CNTNAP5: variants seen among roughly 807,000 people sequenced by gnomAD.
The protein encoded by CNTNAP5 is contactin-associated protein-like 5.
Under a neutral mutation model 150.2 loss-of-function variants are expected in CNTNAP5, and 72 were observed. The observed-to-expected ratio is 0.48, with a 90% CI of 0.40 to 0.58. The LOEUF is 0.58. Among genes scored for constraint, CNTNAP5 ranks in the 20% least tolerant of loss-of-function variants. CNTNAP5 has a pLI of 0.00. For missense variants in CNTNAP5, 1,636 were observed against 1,626.2 expected (o/e 1.01, Z -0.10); for synonymous variants, 672 against 619.8 (o/e 1.08, Z -1.25).
chr2:124,073,156 A>C (rs998575157), intron 1 of CNTNAP5, among the ~76,000 whole-genome samples: 6 of 152,098 alleles, frequency 3.9e-5, no homozygotes, highest in Admixed American at 3.3e-4. Flanking sequence ...GGACATCCAC[A>C]TGCAGAAAAG....
chr2:124,810,204 A>T (rs1682177584), intron 19 of CNTNAP5, among the ~76,000 whole-genome samples: 1 of 152,168 alleles, frequency 6.6e-6, no homozygotes, highest in Non-Finnish European at 1.5e-5. Flanking sequence ...CGCAACACAC[A>T]TTTATCACCT....
At chr2:124,217,489 T>C (rs949794333) in intron 1 of CNTNAP5, among the ~76,000 whole-genome samples, 12 of 152,168 alleles carry the variant, frequency 7.9e-5, no homozygotes, top group Admixed American at 2.0e-4. Flanking sequence ...AGCCATGTGC[T>C]TGGGGTAGTA....
intron 12 of CNTNAP5, among the ~76,000 whole-genome samples, chr2:124,620,745 GCA>G (rs3039903): frequency 0.091 from 9,363 of 103,444 alleles, 797 homozygotes; most frequent in African/African-American, 0.23. Context: ...ACACACACAT[GCA>G]CACACACACA....
intron 1 of CNTNAP5, among the ~76,000 whole-genome samples, chr2:124,188,446 G>A (rs111281171): frequency 0.074 from 11,300 of 152,166 alleles, 591 homozygotes; most frequent in Non-Finnish European, 0.11. Context: ...GGGGCCGGGC[G>A]CAGTGGCTCA....
intron 1 of CNTNAP5, among the ~76,000 whole-genome samples, chr2:124,155,461 C>CGT (rs1356271271): frequency 1.3e-5 from 2 of 151,532 alleles, no homozygotes; most frequent in Middle Eastern, 3.2e-3. Flanking sequence ...TGTGTGCGCG[C>CGT]GTGTGTGGTG....
chr2:124,444,009 G>T (rs560719414), intron 5 of CNTNAP5, among the ~76,000 whole-genome samples: 78 of 152,094 alleles, frequency 5.1e-4, no homozygotes, highest in Non-Finnish European at 1.0e-3. Context: ...GTTACATCTA[G>T]AAATGACAGT....
intron 8 of CNTNAP5, among the ~76,000 whole-genome samples, chr2:124,515,964 G>A (rs1468428532): frequency 6.6e-6 from 1 of 152,122 alleles, no homozygotes; most frequent in Non-Finnish European, 1.5e-5. Context: ...TGCTCTTTAG[G>A]TAGTTGGATC....
At chr2:124,810,616 CA>C (rs1464601130) in intron 19 of CNTNAP5, among the ~76,000 whole-genome samples, 1 of 152,106 alleles carries the variant, frequency 6.6e-6, no homozygotes, top group African/African-American at 2.4e-5. Context: ...TTGCCTGTCA[CA>C]ACGTGGTTCA....
intron 10 of CNTNAP5, among the ~76,000 whole-genome samples, chr2:124,547,793 G>A (rs1335952094): frequency 2.0e-5 from 3 of 152,132 alleles, no homozygotes; most frequent in Non-Finnish European, 2.9e-5. Context: ...TTCCTGCCAC[G>A]GGAGGAAGTG....
intron 4 of CNTNAP5, among the ~76,000 whole-genome samples, chr2:124,424,544 T>C (rs1692194473): frequency 6.6e-6 from 1 of 152,224 alleles, no homozygotes; most frequent in African/African-American, 2.4e-5. Context: ...TTTCTCATAG[T>C]TCCTATAGGA....
intron 12 of CNTNAP5, among the ~76,000 whole-genome samples, chr2:124,647,155 A>ATCTCTATGC (rs11280730): frequency 0.51 from 76,620 of 151,670 alleles, 20,569 homozygotes; most frequent in Non-Finnish European, 0.62. Flanking sequence ...AAAGGTCCTC[A>ATCTCTATGC]TCTTTCATTG....
chr2:124,731,715 T>A (rs1318484460), intron 13 of CNTNAP5, among the ~76,000 whole-genome samples: 3 of 151,856 alleles, frequency 2.0e-5, no homozygotes, highest in Non-Finnish European at 4.4e-5. Context: ...TGTGTAAGAA[T>A]GTGTGTATGG....
intron 1 of CNTNAP5, among the ~76,000 whole-genome samples, chr2:124,127,845 C>G (rs1295578534): frequency 6.6e-6 from 1 of 152,152 alleles, no homozygotes; most frequent in Admixed American, 6.5e-5. Context: ...GCTGGGAAAA[C>G]TGGCTAGCCA....
rs1424244869 is a variant in CNTNAP5 at position 124,046,026 on chromosome 2, G to A, written c.82+20294G>A. ...CAAAACGCATCCATGACCCAGAAAA[G>A]ATGAAGAAAGAAAGGCTCTGAGATC... is the stretch of plus-strand genomic sequence containing the variant. On this transcript the variant is annotated intron_variant, in intron 1 of 23. Transcript: ENST00000682447. Among the ~76,000 whole-genome samples, 4 of 152,320 alleles carry A rather than the reference G, an allele frequency of 2.6e-5. No homozygotes were observed. In the East Asian group the frequency reaches 5.8e-4, roughly 22 times the overall value.
intron 19 of CNTNAP5, among the ~76,000 whole-genome samples, chr2:124,826,247 C>T (rs774170201): frequency 6.6e-6 from 1 of 152,118 alleles, no homozygotes; most frequent in Non-Finnish European, 1.5e-5. Context: ...ATTTGTCTTG[C>T]TGTTTTAATT....
intron 1 of CNTNAP5, among the ~76,000 whole-genome samples, chr2:124,172,298 C>T (rs940813064): frequency 2.0e-5 from 3 of 152,044 alleles, no homozygotes; most frequent in South Asian, 4.1e-4. Flanking sequence ...AAAAGTGAGA[C>T]GTGCTCAGTT....
At chr2:124,132,103 A>G (rs1419162213) in intron 1 of CNTNAP5, among the ~76,000 whole-genome samples, 1 of 152,184 alleles carries the variant, frequency 6.6e-6, no homozygotes, top group Non-Finnish European at 1.5e-5. Flanking sequence ...TTTGGCAGGA[A>G]GAAAGGAGAT....
intron 3 of CNTNAP5, among the ~76,000 whole-genome samples, chr2:124,275,017 A>T (rs1009531199): frequency 6.6e-6 from 1 of 152,216 alleles, no homozygotes; most frequent in Non-Finnish European, 1.5e-5. Context: ...GAAGGCAAGG[A>T]GGAGCAAGTC....
intron 11 of CNTNAP5, among the ~76,000 whole-genome samples, chr2:124,597,513 C>T (rs1003109503): frequency 2.6e-5 from 4 of 151,076 alleles, no homozygotes; most frequent in East Asian, 4.0e-4. Flanking sequence ...AAGAGATCCG[C>T]TGTTAGTCTG....
Sources: gnomAD v4.1 joint callset for allele counts (sites outside exome capture counted in the v4.1 genomes callset) on GRCh38, gnomAD v4.1.1 for gene constraint, MANE v1.5 for transcripts, NCBI Gene and HGNC (gene_info 2026-07-23, HGNC 2026-07-21) for gene names.